P2RY8: variants seen among roughly 807,000 people sequenced by gnomAD.
P2RY8 encodes the protein S-geranylgeranyl-glutathione receptor P2RY8.
In P2RY8, 6 loss-of-function variants were observed where a neutral mutation model predicts 10.0. The observed-to-expected ratio is 0.60, with a 90% CI of 0.33 to 1.19. The LOEUF (loss-of-function observed/expected upper bound fraction) is 1.19. Ranked by LOEUF, P2RY8 falls within the 50% of genes most tolerant of loss-of-function variation. The probability of loss-of-function intolerance (pLI) is 0.04; values close to 1 mark genes in which losing one functional copy is unlikely to be tolerated. For missense variants in P2RY8, 456 were observed against 542.0 expected, an observed-to-expected ratio of 0.84 and a Z score of 1.58; for synonymous variants, 276 against 252.5, an observed-to-expected ratio of 1.09 and a Z score of -0.88.
chrX:1,477,060 G>A (rs2091882757), intron 1 of P2RY8, among the ~76,000 whole-genome samples: 1 of 152,070 alleles, frequency 6.6e-6, no homozygotes, highest in African/African-American at 2.4e-5. Context: ...GTGGTGGCGG[G>A]TGCCTCTAAT....
At chrX:1,505,987 C>CTTTTTTT (rs542485545) in intron 1 of P2RY8, among the ~76,000 whole-genome samples, 88 of 108,828 alleles carry the variant, frequency 8.1e-4, no homozygotes, top group African/African-American at 1.0e-3. Flanking sequence ...TTTCTTTCTT[C>CTTTTTTT]TTTTTTTTTT....
At chrX:1,494,534 T>TAA (rs111595541) in intron 1 of P2RY8, among the ~76,000 whole-genome samples, 10 of 149,208 alleles carry the variant, frequency 6.7e-5, no homozygotes, top group African/African-American at 2.5e-4. Context: ...AATTAGGCTT[T>TAA]AAAAAAAAAA....
intron 1 of P2RY8, among the ~76,000 whole-genome samples, chrX:1,520,420 C>G (rs1317951680): frequency 3.3e-5 from 5 of 151,228 alleles, no homozygotes; most frequent in Non-Finnish European, 3.0e-5. Context: ...TCCTCGGTCT[C>G]TAATAATCTC....
chrX:1,485,248 G>A (rs1206965366), intron 1 of P2RY8, among the ~76,000 whole-genome samples: 2 of 151,876 alleles, frequency 1.3e-5, no homozygotes, highest in Non-Finnish European at 2.9e-5. Context: ...AGCAGTTCTC[G>A]TGCCTCAGCC....
chrX:1,519,999 G>A (rs1390935788), intron 1 of P2RY8, among the ~76,000 whole-genome samples: 2 of 148,886 alleles, frequency 1.3e-5, no homozygotes, highest in African/African-American at 5.0e-5. Context: ...TTATCACCTT[G>A]GTCCCTAATA....
intron 1 of P2RY8, among the ~76,000 whole-genome samples, chrX:1,530,157 GATCT>G (rs1179030530): frequency 0.025 from 1,079 of 42,486 alleles, 17 homozygotes; most frequent in African/African-American, 0.051. Context: ...ATGTATGTAT[GATCT>G]ATCTATCTAT....
chrX:1,493,992 G>A (rs2092093053), intron 1 of P2RY8: 1 of 152,414 alleles, frequency 6.6e-6, no homozygotes, highest in Admixed American at 6.5e-5. Flanking sequence ...GGCTTTCTCT[G>A]GCATTCAGCA....
intron 1 of P2RY8, among the ~76,000 whole-genome samples, chrX:1,511,975 G>T (rs2092300399): frequency 6.6e-6 from 1 of 152,098 alleles, no homozygotes; most frequent in South Asian, 2.1e-4. Context: ...TCGGTGATAT[G>T]GGGGCCCACC....
chrX:1,489,382 G>A (rs1255535826), intron 1 of P2RY8, among the ~76,000 whole-genome samples: 1 of 152,164 alleles, frequency 6.6e-6, no homozygotes, highest in African/African-American at 2.4e-5. Context: ...TCACAAATGT[G>A]GAGGGAATGA....
In P2RY8 at chrX:1,465,875, G is replaced by GCCGTGCGCCTCCT; in HGVS notation, c.671_683dup (p.Arg229GlyfsTer118). 6.2e-7 allele frequency: 1 copy of GCCGTGCGCCTCCT among 1,612,366 alleles called. No homozygotes were observed. The highest frequency in any genetic ancestry group is 1.1e-5 in the South Asian group (1 of 91,034). ...CCACCGCGCGCCTCCGCTGCTCCCG[G>GCCGTGCGCCTCCT]CCGTGCGCCTCCTCCGTGCGCAACA... On this transcript the variant is annotated frameshift_variant, in exon 2 of 2. Coordinates refer to ENST00000381297, the MANE Select transcript of P2RY8 (RefSeq NM_178129.5). LOFTEE classifies it high-confidence loss of function.
At chrX:1,522,147 G>C (rs1275891174) in intron 1 of P2RY8, among the ~76,000 whole-genome samples, 1 of 150,426 alleles carries the variant, frequency 6.6e-6, no homozygotes, top group African/African-American at 2.5e-5. Context: ...AGAGACGGGG[G>C]TTTCACCATG....
intron 1 of P2RY8, among the ~76,000 whole-genome samples, chrX:1,522,889 C>T (rs1385416658): frequency 2.0e-5 from 3 of 151,300 alleles, no homozygotes; most frequent in Non-Finnish European, 2.9e-5. Flanking sequence ...TCCAATATGG[C>T]GAAACCCCAT....
chrX:1,484,055 A>G (rs1280948998), intron 1 of P2RY8, among the ~76,000 whole-genome samples: 8 of 150,490 alleles, frequency 5.3e-5, no homozygotes, highest in African/African-American at 2.0e-4. Flanking sequence ...GGACTCCCCT[A>G]AACCCAAAGC....
At chrX:1,491,400 G>A (rs2030029590) in intron 1 of P2RY8, among the ~76,000 whole-genome samples, 1 of 152,262 alleles carries the variant, frequency 6.6e-6, no homozygotes, top group African/African-American at 2.4e-5. Context: ...TCCTGCAAAT[G>A]TGGAGGGAAT....
intron 1 of P2RY8, among the ~76,000 whole-genome samples, chrX:1,473,559 G>T: frequency 8.4e-6 from 1 of 119,374 alleles, no homozygotes; most frequent in South Asian, 2.4e-4. Flanking sequence ...ATGAATGGTA[G>T]GTGGGTTTGT....
At chrX:1,501,232 C>T (rs1465013521) in intron 1 of P2RY8, among the ~76,000 whole-genome samples, 6 of 152,138 alleles carry the variant, frequency 3.9e-5, no homozygotes, top group African/African-American at 1.4e-4. Context: ...TGAATGTTTT[C>T]GGTCCGACTT....
chrX:1,470,884 T>C (rs1299895976), intron 1 of P2RY8, among the ~76,000 whole-genome samples: 1 of 150,728 alleles, frequency 6.6e-6, no homozygotes, highest in Non-Finnish European at 1.5e-5. Context: ...TTGCCCAGGC[T>C]GGAGTGTAGT....
At chrX:1,487,569 T>C (rs1461887369) in intron 1 of P2RY8, among the ~76,000 whole-genome samples, 8 of 152,098 alleles carry the variant, frequency 5.3e-5, no homozygotes, top group African/African-American at 1.9e-4. Context: ...TACACGCATC[T>C]GAGTGGAAAC....
intron 1 of P2RY8, among the ~76,000 whole-genome samples, chrX:1,504,222 A>C (rs181665545): frequency 1.8e-3 from 269 of 151,956 alleles, no homozygotes; most frequent in African/African-American, 4.7e-3. Context: ...AGGCTGAGGC[A>C]GGAGAATCGC....
Sources: gnomAD v4.1 joint callset for allele counts (sites outside exome capture counted in the v4.1 genomes callset) on GRCh38, gnomAD v4.1.1 for gene constraint, MANE v1.5 for transcripts, NCBI Gene and HGNC (gene_info 2026-07-23, HGNC 2026-07-21) for gene names.